Variants in SLC6A17 observed in about 807,000 individuals in gnomAD.
SLC6A17 encodes the protein sodium-dependent neutral amino acid transporter SLC6A17.
SLC6A17 carries 21 observed loss-of-function variants against 64.5 expected under a neutral mutation model. That is an observed-to-expected ratio of 0.33 (90% confidence interval 0.23 to 0.47). The LOEUF (loss-of-function observed/expected upper bound fraction) is 0.47, where lower values mean the gene tolerates loss of function less well. Ranked by LOEUF, SLC6A17 falls within the 20% of genes least tolerant of loss-of-function variation. The probability of loss-of-function intolerance (pLI) is 1.00; values close to 1 mark genes in which losing one functional copy is unlikely to be tolerated. For missense variants in SLC6A17, 682 were observed against 963.2 expected (o/e 0.71, Z 3.86); for synonymous variants, 372 against 399.5 (o/e 0.93, Z 0.82).
chr1:110,186,782 C>T (rs2011688), intron 6 of SLC6A17, among the ~76,000 whole-genome samples: 16,668 of 152,200 alleles, frequency 0.11, 1,084 homozygotes, highest in South Asian at 0.31. Context: ...GAAAGGAAGA[C>T]GAGACACATA....
At chr1:110,172,255 A>C in intron 3 of SLC6A17, 38 bp downstream of exon 3, 1 of 1,545,418 alleles carries the variant, frequency 6.5e-7, no homozygotes, top group Non-Finnish European at 8.7e-7. Context: ...AGTGGGAGGC[A>C]GGGGGCTGCT....
chr1:110,182,687 T>C (rs141837963), intron 6 of SLC6A17, among the ~76,000 whole-genome samples: 60 of 151,440 alleles, frequency 4.0e-4, no homozygotes, highest in African/African-American at 1.5e-3. Context: ...GAAAATGTTT[T>C]AAGAAAGAGG....
chr1:110,175,768 AT>A (rs1484739809), intron 5 of SLC6A17, among the ~76,000 whole-genome samples: 2 of 152,196 alleles, frequency 1.3e-5, no homozygotes, highest in Non-Finnish European at 2.9e-5. Context: ...GACCCCAGCC[AT>A]TGACCTCTTC....
chr1:110,173,854 C>T, intron 3 of SLC6A17, 119 bp from the exon 4 acceptor site: 1 of 1,453,574 alleles, frequency 6.9e-7, no homozygotes, highest in Non-Finnish European at 9.2e-7. Context: ...CTCCTTGCCT[C>T]TCTTGAGGCT....
At chr1:110,165,764 G>T (rs893260950) in intron 1 of SLC6A17, among the ~76,000 whole-genome samples, 3 of 152,116 alleles carry the variant, frequency 2.0e-5, no homozygotes, top group African/African-American at 7.2e-5. Context: ...AACAAACGGA[G>T]CCCAGCTTCC....
chr1:110,192,979 G>A lies in SLC6A17; in HGVS notation c.1299+281G>A, dbSNP rs929812000. 2.6e-5 allele frequency among the ~76,000 whole-genome samples: 4 copies of A among 152,190 alleles called. No homozygotes were observed. Among genetic ancestry groups the A allele is most frequent in the African/African-American group, 9.7e-5 (4 of 41,430 alleles). ...GACGATGTTTCCATTTACTGAGTGG[G>A]CTTCTCGTGCATCAGTCACTGCCAC... On this transcript the variant is annotated intron_variant, in intron 8 of 11. Transcript: ENST00000331565. This position sits in a 1 kb window ranked among gnomAD's most constrained non-coding sequence, Gnocchi z 4.3.
rs142495881 is a variant in SLC6A17 at position 110,180,660 on chromosome 1, T to C, written c.864+3921T>C. 2.1e-4 allele frequency among the ~76,000 whole-genome samples: 32 copies of C among 152,186 alleles called. No individual in the cohort carries two copies. In the South Asian group the frequency reaches 3.9e-3, roughly 19 times the overall value. On this transcript the variant is annotated intron_variant, in intron 6 of 11. Transcript: ENST00000331565. Reference sequence around the variant, plus strand: ...AGCTGTGACTGTTTTCAGCACAGGATTGGGGAGATATGAGGGGTCCTAGGA... The same window carrying C: ...AGCTGTGACTGTTTTCAGCACAGGACTGGGGAGATATGAGGGGTCCTAGGA...
chr1:110,195,805 C>G, intron 10 of SLC6A17, 60 bp downstream of exon 10: 1 of 1,597,292 alleles, frequency 6.3e-7, no homozygotes, highest in Non-Finnish European at 8.6e-7. Context: ...TCATGACTCC[C>G]TGGAGAGGCA....
intron 1 of SLC6A17, among the ~76,000 whole-genome samples, chr1:110,160,308 C>T (rs1655872848): frequency 6.6e-6 from 1 of 152,230 alleles, no homozygotes; most frequent in Non-Finnish European, 1.5e-5. Context: ...TAGTGTTTTA[C>T]CCCGCCTCTT....
At position 110,195,721 on chromosome 1, in the gene SLC6A17, T is replaced by G; in HGVS notation, c.1628T>G (p.Val543Gly). 2 of 1,614,172 alleles carry G rather than the reference T, an allele frequency of 1.2e-6. No homozygotes were observed. The highest frequency in any genetic ancestry group is 1.7e-6 in the Non-Finnish European group (2 of 1,180,036). The change falls in exon 10 of 12, where the codon GTG becomes GGG. Residue 543 changes from valine to glycine, a missense_variant. This residue lies in a region of SLC6A17 where 264 missense variants were observed against 339.5 expected (regional missense o/e 0.78). Transcript: ENST00000331565. ...ATCGTCATCCTTGAGAACATCGCTG[T>G]GGCCTGGATTTATGGAACCAAGAAG... Reference protein sequence around the residue: ...TLIVILENIAVAWIYGTKKFM... With the variant: ...TLIVILENIAGAWIYGTKKFM...
chr1:110,193,990 A>G (rs1462498277), intron 8 of SLC6A17, among the ~76,000 whole-genome samples: 1 of 152,238 alleles, frequency 6.6e-6, no homozygotes, highest in African/African-American at 2.4e-5. Context: ...TGGCCCAAGC[A>G]TTAAAGCAGT....
intron 6 of SLC6A17, among the ~76,000 whole-genome samples, chr1:110,187,156 G>A (rs1656706874): frequency 6.7e-6 from 1 of 150,274 alleles, no homozygotes; most frequent in African/African-American, 2.5e-5. Context: ...AACCACTTCA[G>A]CTAGATTAAA....
At chr1:110,188,972 C>T (rs971074846) in intron 6 of SLC6A17, among the ~76,000 whole-genome samples, 2 of 152,206 alleles carry the variant, frequency 1.3e-5, no homozygotes, top group Non-Finnish European at 1.5e-5. Context: ...CTGACCCTTC[C>T]TCCTCCAGGC....
At chr1:110,163,281 T>C (rs1213900392) in intron 1 of SLC6A17, among the ~76,000 whole-genome samples, 1 of 152,144 alleles carries the variant, frequency 6.6e-6, no homozygotes, top group Non-Finnish European at 1.5e-5. Context: ...TGGGCATTGC[T>C]GAGGTGGTGC....
Position 110,183,439 on chromosome 1 carries a change from G to A in SLC6A17, c.864+6700G>A, listed in dbSNP as rs2100938704. Among the ~76,000 whole-genome samples, 2 of 152,270 alleles carry A rather than the reference G, an allele frequency of 1.3e-5. 1 individual carries two copies. Among genetic ancestry groups the A allele is most frequent in the Middle Eastern group, 6.8e-3 (2 of 294 alleles). On this transcript the variant is annotated intron_variant, in intron 6 of 11. Coordinates refer to ENST00000331565, the MANE Select transcript of SLC6A17 (RefSeq NM_001010898.4). Reference sequence around the variant, plus strand: ...AGGTGAATCCATAGAGAAAGAAGGTGGATTAGTGGTTAGTACTGGGCTTGT... The same window carrying A: ...AGGTGAATCCATAGAGAAAGAAGGTAGATTAGTGGTTAGTACTGGGCTTGT...
chr1:110,166,698 A>C (rs1656067808), intron 1 of SLC6A17, 145 bp from the exon 2 acceptor site: 1 of 438,794 alleles, frequency 2.3e-6, no homozygotes, highest in Admixed American at 3.8e-5. Flanking sequence ...GCAGCCCCTG[A>C]TGGGGAGCTA....
chr1:110,171,667 G>C (rs1210228747), intron 2 of SLC6A17, among the ~76,000 whole-genome samples: 1 of 152,060 alleles, frequency 6.6e-6, no homozygotes, highest in Non-Finnish European at 1.5e-5. Flanking sequence ...ATCTGGGGCT[G>C]CTTCTCTGTG....
chr1:110,189,267 T>C (rs1283956451), intron 6 of SLC6A17, among the ~76,000 whole-genome samples: 5 of 152,220 alleles, frequency 3.3e-5, no homozygotes, highest in Non-Finnish European at 4.4e-5. Context: ...AGAACTAATG[T>C]CCTGATCCTC....
chr1:110,199,829 G>A lies in SLC6A17; in HGVS notation c.*1385G>A. 2.5e-6 allele frequency: 1 copy of A among 395,730 alleles called. No individual in the cohort carries two copies. Among genetic ancestry groups the A allele is most frequent in the Non-Finnish European group, 4.4e-6 (1 of 225,230 alleles). 24.5% of individuals were successfully genotyped at this position (395,730 alleles called of 1,614,324 possible). A position where few individuals can be genotyped will look rare whatever the true frequency, so the allele number is the denominator to read the frequency against. On this transcript the variant is annotated 3_prime_UTR_variant, in exon 12 of 12. Transcript: ENST00000331565. Reference sequence around the variant, plus strand: ...GGAGGAACCTGACCCAAGAGTAAATGTCTGCAGAGAGATGGATGGATGGAT... The same window carrying A: ...GGAGGAACCTGACCCAAGAGTAAATATCTGCAGAGAGATGGATGGATGGAT...
Sources: gnomAD v4.1 joint callset for allele counts (sites outside exome capture counted in the v4.1 genomes callset) on GRCh38, gnomAD v4.1.1 for gene constraint, gnomAD v4.1.1 regional missense constraint, Gnocchi (gnomAD v3.1) non-coding constraint, MANE v1.5 for transcripts, NCBI Gene and HGNC (gene_info 2026-07-23, HGNC 2026-07-21) for gene names.